Variants in GPR89B observed in about 807,000 individuals in gnomAD.
GPR89B encodes G protein-coupled receptor 89B.
GPR89B carries 25 observed loss-of-function variants against 52.4 expected under a neutral mutation model. That is an observed-to-expected ratio of 0.48 (90% CI 0.35 to 0.67). The LOEUF is 0.67. Ranked by LOEUF, GPR89B falls within the 30% of genes least tolerant of loss-of-function variation. The pLI, the probability that GPR89B is intolerant of heterozygous loss-of-function variation, is 0.01. For missense variants in GPR89B, 146 were observed against 450.2 expected (o/e 0.32, Z 6.11); for synonymous variants, 52 against 151.2 (o/e 0.34, Z 4.81).
chr1:148,002,120 T>G, the GPR89B span, among the ~76,000 whole-genome samples: 1 of 150,720 alleles, frequency 6.6e-6, no homozygotes, highest in African/African-American at 2.4e-5. Flanking sequence ...ATCTCATAGA[T>G]CTCTCAACTG....
intron 3 of GPR89B, 101 bp from the exon 4 acceptor site, chr1:147,943,337 A>C: frequency 4.4e-6 from 7 of 1,578,454 alleles, no homozygotes; most frequent in Non-Finnish European, 6.0e-6. Flanking sequence ...GGATATATTC[A>C]ATATTGAGTC....
In GPR89B at chr1:147,983,955, C is replaced by A. The variant is rs1474035000; in HGVS notation, c.910-2244C>A. On this transcript the variant is annotated intron_variant, in intron 10 of 13. Transcript: ENST00000314163. ...ATGTCCAACAATGATAGACTGGATT[C>A]AGAAAATGTGGCACATATACACCAT... Among the ~76,000 whole-genome samples, 784 of 151,262 alleles carry A rather than the reference C, an allele frequency of 5.2e-3. 11 individuals carry two copies. Among genetic ancestry groups the A allele is most frequent in the African/African-American group, 0.017 (677 of 40,840 alleles).
intron 7 of GPR89B, among the ~76,000 whole-genome samples, chr1:147,961,576 G>A (rs1368531671): frequency 6.6e-6 from 1 of 152,186 alleles, no homozygotes; most frequent in Non-Finnish European, 1.5e-5. Context: ...AGGCTAAAGC[G>A]AGAGGATTGT....
At chr1:148,009,117 C>T in the GPR89B span, among the ~76,000 whole-genome samples, 5 of 152,186 alleles carry the variant, frequency 3.3e-5, no homozygotes, top group African/African-American at 9.7e-5. Flanking sequence ...CCCAGTGCCC[C>T]CCACCCCCAC....
the GPR89B span, among the ~76,000 whole-genome samples, chr1:148,003,457 A>T: frequency 6.6e-6 from 1 of 152,204 alleles, no homozygotes; most frequent in South Asian, 2.1e-4. Context: ...GAAATTGGAC[A>T]TGGGAGGAGT....
chr1:147,970,906 T>C (rs1243092310), intron 10 of GPR89B, among the ~76,000 whole-genome samples: 1 of 151,116 alleles, frequency 6.6e-6, no homozygotes, highest in Non-Finnish European at 1.5e-5. Context: ...TTTGATGACT[T>C]TCCTACTGGG....
At chr1:147,953,064 A>G (rs1655846442) in intron 5 of GPR89B, among the ~76,000 whole-genome samples, 1 of 148,324 alleles carries the variant, frequency 6.7e-6, no homozygotes, top group Non-Finnish European at 1.5e-5. Context: ...CATGCTACCA[A>G]GAGTAAACAG....
In GPR89B at chr1:147,959,283, A is replaced by G. The variant is rs1244615945; in HGVS notation, c.617+4881A>G. ...CTAGGACCTCTTTGAAATTTTGTAG[A>G]GATAGGAGGAAGAAATATATTCACT... On this transcript the variant is annotated intron_variant, in intron 7 of 13. Transcript: ENST00000314163. Among the ~76,000 whole-genome samples the G allele has an allele frequency of 4.9e-3, 745 of 152,218 alleles. 8 individuals carry two copies. Among genetic ancestry groups the G allele is most frequent in the African/African-American group, 0.017 (694 of 41,476 alleles).
At chr1:147,977,897 A>G (rs71665921) in intron 10 of GPR89B, among the ~76,000 whole-genome samples, 3 of 151,474 alleles carry the variant, frequency 2.0e-5, no homozygotes, top group African/African-American at 7.3e-5. Flanking sequence ...ATGTTTTATC[A>G]TGGTTCTTGG....
chr1:147,941,562 A>G (rs1233727820), intron 3 of GPR89B, among the ~76,000 whole-genome samples: 15 of 150,754 alleles, frequency 9.9e-5, no homozygotes, highest in Non-Finnish European at 1.8e-4. Context: ...CCTCTGAAAC[A>G]TATTTCTCTT....
At chr1:148,000,655 A>G in the GPR89B span, among the ~76,000 whole-genome samples, 2 of 150,932 alleles carry the variant, frequency 1.3e-5, no homozygotes, top group South Asian at 2.1e-4. Context: ...CTATCATTGT[A>G]TATCACAGAG....
intron 7 of GPR89B, among the ~76,000 whole-genome samples, chr1:147,963,965 A>G (rs1192249998): frequency 3.3e-5 from 5 of 152,126 alleles, no homozygotes; most frequent in African/African-American, 9.7e-5. Flanking sequence ...TTATATATAC[A>G]TTTTTGAAAT....
At chr1:147,928,674 T>C in intron 1 of GPR89B, 96 bp downstream of exon 1, 1 of 1,536,578 alleles carries the variant, frequency 6.5e-7, no homozygotes. Flanking sequence ...GGGGTCTCGC[T>C]CCTCTCTTAC....
intron 7 of GPR89B, among the ~76,000 whole-genome samples, chr1:147,959,939 A>G (rs1656409710): frequency 6.8e-6 from 1 of 146,450 alleles, no homozygotes; most frequent in African/African-American, 2.6e-5. Context: ...GGACTGGCAA[A>G]GCAGTTGAAA....
In GPR89B at chr1:147,962,706, G is replaced by A. The variant is rs1365657825; in HGVS notation, c.618-3848G>A. On this transcript the variant is annotated intron_variant, in intron 7 of 13. Coordinates refer to ENST00000314163, the MANE Select transcript of GPR89B (RefSeq NM_016334.5). ...AAGGTCAGGAGTTCAAGACTAGACCGGTGAACATGGTGAAACCCTGTCTCT... is the reference window on the plus strand; with the variant it reads ...AAGGTCAGGAGTTCAAGACTAGACCAGTGAACATGGTGAAACCCTGTCTCT... Among the ~76,000 whole-genome samples, 34 of 151,670 alleles carry A rather than the reference G, an allele frequency of 2.2e-4. 1 individual carries two copies. Among genetic ancestry groups the A allele is most frequent in the African/African-American group, 3.4e-4 (14 of 41,134 alleles).
chr1:148,023,119 T>C, the GPR89B span, among the ~76,000 whole-genome samples: 1 of 150,888 alleles, frequency 6.6e-6, no homozygotes, highest in South Asian at 2.1e-4. Context: ...TAGTCCACAG[T>C]GTCTATAGTT....
At chr1:148,025,414 T>C in the GPR89B span, among the ~76,000 whole-genome samples, 4 of 149,232 alleles carry the variant, frequency 2.7e-5, no homozygotes, top group Admixed American at 2.0e-4. Flanking sequence ...TCCCAGCACA[T>C]TGGGAGGCCG....
At chr1:147,991,194 T>C (rs1659040215) in intron 12 of GPR89B, among the ~76,000 whole-genome samples, 1 of 151,550 alleles carries the variant, frequency 6.6e-6, no homozygotes. Context: ...CTAGGTATTT[T>C]ATTCTCTTTG....
intron 3 of GPR89B, among the ~76,000 whole-genome samples, chr1:147,941,316 C>T (rs587656331): frequency 6.6e-6 from 1 of 152,336 alleles, no homozygotes; most frequent in African/African-American, 2.4e-5. Context: ...ATTTCAAACC[C>T]ACCGCTTCCC....
Sources: gnomAD v4.1 joint callset for allele counts (sites outside exome capture counted in the v4.1 genomes callset) on GRCh38, gnomAD v4.1.1 for gene constraint, MANE v1.5 for transcripts, NCBI Gene and HGNC (gene_info 2026-07-23, HGNC 2026-07-21) for gene names.